The following CFLAR variants were observed in gnomAD, a reference collection of about 807,000 sequenced individuals.
The protein encoded by CFLAR is CASP8 and FADD like apoptosis regulator.
CFLAR carries 14 observed loss-of-function variants against 51.1 expected under a neutral mutation model. The observed-to-expected ratio is 0.27, with a 90% CI of 0.18 to 0.43. The LOEUF is 0.43. Ranked by LOEUF, CFLAR falls within the 20% of genes least tolerant of loss-of-function variation. The probability of loss-of-function intolerance (pLI) is 1.00; values close to 1 mark genes in which losing one functional copy is unlikely to be tolerated. For synonymous variants in CFLAR, 210 were observed against 211.6 expected (o/e 0.99, Z 0.06); for missense variants, 390 against 566.5 (o/e 0.69, Z 3.16).
In CFLAR at chr2:201,138,842, A is replaced by G; in HGVS notation, c.524-1515A>G. Reference sequence around the variant, plus strand: ...CGATGGCCAGGTCGGCCTCTGTCACAGTGTCCATGGGGGAGGAGATCAGCG... The same window carrying G: ...CGATGGCCAGGTCGGCCTCTGTCACGGTGTCCATGGGGGAGGAGATCAGCG... On this transcript the variant is annotated intron_variant, in intron 4 of 9. Coordinates refer to ENST00000309955, the MANE Select transcript of CFLAR (RefSeq NM_003879.7). The surrounding 1 kb of genome is among the most constrained non-coding windows in gnomAD (Gnocchi z 4.0). 1 of 734,590 alleles carries G rather than the reference A, an allele frequency of 1.4e-6. No individual in the cohort carries two copies. Among genetic ancestry groups the G allele is most frequent in the Middle Eastern group, 3.8e-4 (1 of 2,616 alleles). 45.5% of individuals were successfully genotyped at this position (734,590 alleles called of 1,614,324 possible).
intron 4 of CFLAR, chr2:201,136,369 C>G: frequency 6.3e-7 from 1 of 1,598,468 alleles, no homozygotes; most frequent in Non-Finnish European, 8.5e-7. Flanking sequence ...AAGAAAGAAT[C>G]TGGGATCTGC....
rs544019703 is a variant in CFLAR, at chr2:201,118,815, G to T, written c.-138+2334G>T. ...CTGGAGCATTTCCAATTCTGGTTTTGCGGAGCAGCAGGTCTGAGCTTGTCC... is the reference window on the plus strand; with the variant it reads ...CTGGAGCATTTCCAATTCTGGTTTTTCGGAGCAGCAGGTCTGAGCTTGTCC... On this transcript the variant is annotated intron_variant, in intron 1 of 9. Transcript: ENST00000309955. This position sits in a 1 kb window ranked among gnomAD's most constrained non-coding sequence, Gnocchi z 5.1. The T allele has an allele frequency of 6.6e-6, 1 of 152,436 alleles. No homozygotes were observed. Among genetic ancestry groups the T allele is most frequent in the South Asian group, 2.1e-4 (1 of 4,832 alleles). The allele number at this position is 152,436 out of a possible 1,614,324, so 9.4% of individuals were successfully genotyped here. A position where few individuals can be genotyped will look rare whatever the true frequency, so the allele number is the denominator to read the frequency against.
chr2:201,125,619 T>G (rs1341515838), intron 1 of CFLAR, among the ~76,000 whole-genome samples: 1 of 151,734 alleles, frequency 6.6e-6, no homozygotes, highest in Non-Finnish European at 1.5e-5. Context: ...GCCTGATACA[T>G]GGATGAGAAA....
intron 7 of CFLAR, 64 bp from the exon 8 acceptor site, chr2:201,149,690 G>A (rs1481562739): frequency 4.0e-6 from 5 of 1,257,344 alleles, no homozygotes; most frequent in Middle Eastern, 1.8e-4. Context: ...ATGGTATATG[G>A]GTGGGACCTT....
chr2:201,160,747 G>C lies in CFLAR; in HGVS notation c.1109G>C (p.Ser370Thr), dbSNP rs1335066628. 1 of 1,613,978 alleles carries C rather than the reference G, an allele frequency of 6.2e-7. No homozygotes were observed. Among genetic ancestry groups the C allele is most frequent in the East Asian group, 2.2e-5 (1 of 44,896 alleles). ...GTGTCAGAGGGCCAGCTGGAGGACA[G>C]CAGCCTCTTGGAGGTGGATGGGCCA... is the stretch of plus-strand genomic sequence containing the variant. Reference protein sequence around the residue: ...YVVSEGQLEDSSLLEVDGPAM... With the variant: ...YVVSEGQLEDTSLLEVDGPAM... Residue 370 changes from serine to threonine, a missense_variant, in exon 9 of 10, where the codon AGC (serine) becomes ACC (threonine). Transcript: ENST00000309955.
chr2:201,136,646 T>A (rs553142006), intron 4 of CFLAR: 1 of 1,344,572 alleles, frequency 7.4e-7, no homozygotes, highest in East Asian at 2.6e-5. Context: ...CAGCCTCAGC[T>A]TGGGCTTTGT....
At chr2:201,136,492 G>T in intron 4 of CFLAR, 1 of 1,588,046 alleles carries the variant, frequency 6.3e-7, no homozygotes. Context: ...GATGTCACTT[G>T]GGTCTCATAC....
At chr2:201,123,881 A>T (rs1048978023) in intron 1 of CFLAR, among the ~76,000 whole-genome samples, 1 of 152,160 alleles carries the variant, frequency 6.6e-6, no homozygotes, top group Non-Finnish European at 1.5e-5. Context: ...TCTGGATGAC[A>T]CTTTGTTTCA....
chr2:201,155,773 G>A (rs935689249), intron 8 of CFLAR, among the ~76,000 whole-genome samples: 1 of 151,948 alleles, frequency 6.6e-6, no homozygotes, highest in Non-Finnish European at 1.5e-5. Flanking sequence ...ACACACAGGC[G>A]CCACCACATC....
chr2:201,146,957 G>A lies in CFLAR; in HGVS notation c.661+1525G>A, dbSNP rs551934085. On this transcript the variant is annotated intron_variant, in intron 6 of 9. Transcript: ENST00000309955. ...TCTCCAGCAAAAACTACTGAGAAGC[G>A]AATTAATTCCTGAAATGATAGCATG... Among the ~76,000 whole-genome samples the A allele has an allele frequency of 2.6e-5, 4 of 152,294 alleles. No individual in the cohort carries two copies. In the South Asian group the frequency reaches 6.2e-4, roughly 24 times the overall value.
Position 201,165,743 on chromosome 2 carries a change from T to G in CFLAR, c.*1770T>G, listed in dbSNP as rs1473040641. 6.5e-6 allele frequency: 1 copy of G among 154,282 alleles called. No individual in the cohort carries two copies. The highest frequency in any genetic ancestry group is 2.4e-5 in the African/African-American group (1 of 41,440). The allele number at this position is 154,282 out of a possible 1,614,324, so 9.6% of individuals were successfully genotyped here. On this transcript the variant is annotated 3_prime_UTR_variant, in exon 10 of 10. Transcript: ENST00000309955. Reference sequence around the variant, plus strand: ...GGACCCTGCGGCCTTCCGCAGTGTTTGTGTCCCTGGGTACTTGAGATTAGG... The same window carrying G: ...GGACCCTGCGGCCTTCCGCAGTGTTGGTGTCCCTGGGTACTTGAGATTAGG...
intron 8 of CFLAR, among the ~76,000 whole-genome samples, chr2:201,154,908 C>T (rs1320353170): frequency 1.3e-5 from 2 of 152,272 alleles, no homozygotes; most frequent in East Asian, 1.9e-4. Flanking sequence ...CTGTGTTGTG[C>T]ATGAAATAAG....
intron 4 of CFLAR, 57 bp downstream of exon 4, chr2:201,136,164 C>T: frequency 6.2e-7 from 1 of 1,612,508 alleles, no homozygotes; most frequent in East Asian, 2.2e-5. Flanking sequence ...TGGGGGTGGG[C>T]ATCATGACTG....
intron 2 of CFLAR, 41 bp downstream of exon 2, chr2:201,130,187 G>GGGGGGGGGGTGGCC: frequency 3.4e-6 from 1 of 292,394 alleles, no homozygotes. Context: ...GGGTGGGAGG[G>GGGGGGGGGGTGGCC]AGTGAAGTGT....
chr2:201,131,235 G>A (rs190113174), intron 2 of CFLAR, among the ~76,000 whole-genome samples: 55 of 151,988 alleles, frequency 3.6e-4, no homozygotes, highest in African/African-American at 1.3e-3. Context: ...ACCTTAAGTT[G>A]GTGTTTTCTT....
chr2:201,158,756 T>G (rs773830181), intron 8 of CFLAR, among the ~76,000 whole-genome samples: 5 of 152,160 alleles, frequency 3.3e-5, no homozygotes, highest in African/African-American at 1.2e-4. Flanking sequence ...CATTTAAAAT[T>G]TAATGATACT....
chr2:201,130,205 T>C (rs1049700216), intron 2 of CFLAR, 59 bp downstream of exon 2: 18 of 1,405,258 alleles, frequency 1.3e-5, no homozygotes, highest in Non-Finnish European at 1.7e-5. Flanking sequence ...TGTCTCAGAC[T>C]CTACTGAATG....
At chr2:201,137,625 A>C in intron 4 of CFLAR, 1 of 756,784 alleles carries the variant, frequency 1.3e-6, no homozygotes, top group Admixed American at 1.7e-5. Context: ...CATGGACCGA[A>C]GGACAGACAG....
rs949517314 is a variant in CFLAR, at chr2:201,138,267, C to G, written c.524-2090C>G. On this transcript the variant is annotated intron_variant, in intron 4 of 9. Coordinates refer to ENST00000309955, the MANE Select transcript of CFLAR (RefSeq NM_003879.7). The surrounding 1 kb of genome is among the most constrained non-coding windows in gnomAD (Gnocchi z 4.0). ...TCCAAGCCTATGACATTGACGCCTA[C>G]CTGGGTGAGCAGGTCCAGGTGGTAT... 7 of 810,234 alleles carry G rather than the reference C, an allele frequency of 8.6e-6. No individual in the cohort carries two copies. The African/African-American group carries it at 1.2e-4, about 14-fold the overall frequency. The allele number at this position is 810,234 out of a possible 1,614,324, so 50.2% of individuals were successfully genotyped here. A position where few individuals can be genotyped will look rare whatever the true frequency, so the allele number is the denominator to read the frequency against.
Sources: allele counts gnomAD v4.1 joint callset (sites outside exome capture counted in the v4.1 genomes callset), GRCh38; gene constraint gnomAD v4.1.1; non-coding constraint Gnocchi (gnomAD v3.1); transcripts MANE v1.5; gene names NCBI Gene and HGNC (gene_info 2026-07-23, HGNC 2026-07-21).